The following MAPK6 variants were observed in gnomAD, a reference collection of about 807,000 sequenced individuals.
MAPK6 encodes ERK-3.
MAPK6 carries 19 observed loss-of-function variants against 59.3 expected under a neutral mutation model. The ratio of observed to expected loss-of-function variants is 0.32; its 90% CI spans 0.22 to 0.47. MAPK6 has a LOEUF of 0.47. MAPK6 is among the 20% of genes least tolerant of loss of function. MAPK6 has a pLI of 1.00. For missense variants in MAPK6, 724 were observed against 847.9 expected, an observed-to-expected ratio of 0.85 and a Z score of 1.81; for synonymous variants, 316 against 290.3, an observed-to-expected ratio of 1.09 and a Z score of -0.90.
intron 2 of MAPK6, among the ~76,000 whole-genome samples, chr15:51,997,919 C>CTT (rs555777091): frequency 6.1e-4 from 90 of 146,504 alleles, no homozygotes; most frequent in African/African-American, 2.3e-3. Context: ...TCTTTTCTTT[C>CTT]TTTCTCTTTC....
intron 2 of MAPK6, among the ~76,000 whole-genome samples, chr15:51,993,881 C>G (rs1225513309): frequency 6.6e-6 from 1 of 151,394 alleles, no homozygotes. Flanking sequence ...AATCCTCTGC[C>G]TCTCTTTCCC....
intron 1 of MAPK6, among the ~76,000 whole-genome samples, chr15:52,044,321 T>C (rs2031532519): frequency 6.6e-6 from 1 of 152,168 alleles, no homozygotes; most frequent in African/African-American, 2.4e-5. Context: ...CCGTTCTTAT[T>C]TATTAAAAGA....
chr15:52,026,482 G>C (rs2030782027), intron 1 of MAPK6, among the ~76,000 whole-genome samples: 2 of 151,982 alleles, frequency 1.3e-5, no homozygotes, highest in African/African-American at 4.8e-5. Context: ...GTAGAGATGG[G>C]GTTTCAACCA....
In MAPK6 at chr15:52,064,967, A is replaced by T. The variant is rs558995287; in HGVS notation, c.2133A>T (p.Gln711His). 6.2e-7 allele frequency: 1 copy of T among 1,611,142 alleles called. No homozygotes were observed. The highest frequency in any genetic ancestry group is 8.5e-7 in the Non-Finnish European group (1 of 1,179,118). ...AMKSSPQIPH[Q>H]TYSSILKHLN The stretch of plus-strand genomic sequence containing the variant: ...AATCTTCCCCTCAAATTCCTCATCA[A>T]ACATACAGCAGCATTCTGAAACATC... The change falls in exon 6 of 6, where the codon CAA becomes CAT. Residue 711 changes from glutamine (Q) to histidine (H), a missense_variant. Gln to His is a conservative substitution (Grantham distance 24). Transcript: ENST00000261845.
intron 1 of MAPK6, among the ~76,000 whole-genome samples, chr15:51,973,079 G>C (rs2057142216): frequency 6.6e-6 from 1 of 151,690 alleles, no homozygotes; most frequent in Non-Finnish European, 1.5e-5. Context: ...GAGAGTTTTG[G>C]TCTTGGACAA....
At chr15:51,991,663 A>C (rs561766017) in intron 2 of MAPK6, among the ~76,000 whole-genome samples, 8 of 152,344 alleles carry the variant, frequency 5.3e-5, no homozygotes, top group African/African-American at 1.7e-4. Context: ...ATAGATACAT[A>C]CACAGTTCTC....
chr15:52,063,403 T>C (rs552891527), intron 5 of MAPK6, among the ~76,000 whole-genome samples: 2 of 152,202 alleles, frequency 1.3e-5, no homozygotes, highest in South Asian at 4.1e-4. Context: ...TCTAATCTCT[T>C]TTCTTTTCCC....
chr15:52,063,927 C>A lies in MAPK6; in HGVS notation c.1093C>A (p.His365Asn). The A allele has an allele frequency of 1.9e-6, 3 of 1,549,018 alleles. No individual in the cohort carries two copies. The highest frequency in any genetic ancestry group is 2.6e-6 in the Non-Finnish European group (3 of 1,147,652). ...GTATCATGATTGTCAGTTTTCAGAG[C>A]ATGATTGGCCTGTACATAACAACTT... is the stretch of plus-strand genomic sequence containing the variant. The part of the protein sequence containing the change: ...ERYHDCQFSE[H>N]DWPVHNNFDI... Residue 365 changes from histidine (H) to asparagine (N), a missense_variant, in exon 6 of 6, where the codon CAT (histidine) becomes AAT (asparagine). Physicochemically the swap from His to Asn is moderately conservative, Grantham distance 68. Coordinates refer to ENST00000261845, the MANE Select transcript of MAPK6 (RefSeq NM_002748.4).
At chr15:52,039,772 C>T (rs2031359420) in intron 1 of MAPK6, among the ~76,000 whole-genome samples, 1 of 152,088 alleles carries the variant, frequency 6.6e-6, no homozygotes, top group African/African-American at 2.4e-5. Context: ...CCACCTTGGA[C>T]TCCCAAAGTG....
chr15:52,061,146 A>G (rs762562714), intron 4 of MAPK6, among the ~76,000 whole-genome samples, 153 bp from the exon 5 acceptor site: 5 of 152,232 alleles, frequency 3.3e-5, no homozygotes, highest in Non-Finnish European at 5.9e-5. Flanking sequence ...ATGGGGACCT[A>G]TTAGTACAAT....
intron 2 of MAPK6, among the ~76,000 whole-genome samples, chr15:51,985,175 C>G (rs191493721): frequency 6.7e-4 from 101 of 151,760 alleles, no homozygotes; most frequent in African/African-American, 2.4e-3. Context: ...GACCCAATCT[C>G]TATATAAAAT....
At chr15:52,027,517 GT>G (rs1004606507) in intron 1 of MAPK6, 9 of 150,540 alleles carry the variant, frequency 6.0e-5, no homozygotes, top group African/African-American at 2.2e-4. Context: ...ATCTCTACCC[GT>G]TACTGTAATT....
In MAPK6 at chr15:52,047,846, A is replaced by G. The variant is rs191313482; in HGVS notation, c.555+831A>G. On this transcript the variant is annotated intron_variant, in intron 2 of 5. Transcript: ENST00000261845. ...ATTCAGTTCTGCTTTGTTTAAACTA[A>G]ATTTAGCTTGAAATCTAAATTCACA... 2.8e-4 allele frequency among the ~76,000 whole-genome samples: 42 copies of G among 152,244 alleles called. 2 individuals carry two copies. Among genetic ancestry groups the G allele is most frequent in the Admixed American group, 2.6e-3 (39 of 15,286 alleles).
chr15:51,981,108 T>G (rs2057171418), intron 1 of MAPK6, among the ~76,000 whole-genome samples: 1 of 151,820 alleles, frequency 6.6e-6, no homozygotes, highest in African/African-American at 2.4e-5. Context: ...TATAAATTAC[T>G]CCCTATACAA....
intron 1 of MAPK6, among the ~76,000 whole-genome samples, chr15:52,021,078 TTC>T (rs752888480): frequency 1.3e-5 from 2 of 152,228 alleles, no homozygotes; most frequent in African/African-American, 2.4e-5. Flanking sequence ...GTTGGCTACT[TTC>T]TGTTATTAAA....
chr15:52,014,629 C>T (rs2030180444), upstream of MAPK6, among the ~76,000 whole-genome samples: 1 of 150,364 alleles, frequency 6.7e-6, no homozygotes. Context: ...ATTGCTTGAG[C>T]CCGAGAGATT....
chr15:52,045,098 A>ATTT (rs2031557957), intron 1 of MAPK6, among the ~76,000 whole-genome samples: 2 of 152,122 alleles, frequency 1.3e-5, no homozygotes, highest in Admixed American at 1.3e-4. Flanking sequence ...GTGAAGAAAA[A>ATTT]TGGCCGGGTC....
At chr15:51,987,345 C>T (rs1262296373) in intron 2 of MAPK6, among the ~76,000 whole-genome samples, 1 of 152,206 alleles carries the variant, frequency 6.6e-6, no homozygotes, top group African/African-American at 2.4e-5. Flanking sequence ...GTGGCTCCCA[C>T]CTGTAATCCC....
intron 3 of MAPK6, among the ~76,000 whole-genome samples, chr15:52,005,334 G>A (rs1449903055): frequency 6.6e-6 from 1 of 152,084 alleles, no homozygotes; most frequent in Non-Finnish European, 1.5e-5. Flanking sequence ...AGACTATCCT[G>A]ACCAACATGG....
Sources: gnomAD v4.1 joint callset for allele counts (sites outside exome capture counted in the v4.1 genomes callset) on GRCh38, gnomAD v4.1.1 for gene constraint, MANE v1.5 for transcripts, NCBI Gene and HGNC (gene_info 2026-07-23, HGNC 2026-07-21) for gene names.